Variants in CCDC93 observed in about 807,000 individuals in gnomAD.
The protein encoded by CCDC93 is coiled-coil domain-containing protein 93.
Under a neutral mutation model 108.2 loss-of-function variants are expected in CCDC93, and 61 were observed. That is an observed-to-expected ratio of 0.56 (90% CI 0.46 to 0.70). The LOEUF (loss-of-function observed/expected upper bound fraction) is 0.70, where lower values mean the gene tolerates loss of function less well. Ranked by LOEUF, CCDC93 falls within the 30% of genes least tolerant of loss-of-function variation. The probability of loss-of-function intolerance (pLI) is 0.00; values close to 1 mark genes in which losing one functional copy is unlikely to be tolerated. For synonymous variants in CCDC93, 276 were observed against 260.4 expected, an observed-to-expected ratio of 1.06 and a Z score of -0.58; for missense variants, 685 against 764.2, an observed-to-expected ratio of 0.90 and a Z score of 1.22.
chr2:118,007,440 G>A (rs1676907086), intron 2 of CCDC93, among the ~76,000 whole-genome samples: 3 of 152,236 alleles, frequency 2.0e-5, no homozygotes, highest in Non-Finnish European at 2.9e-5. Context: ...GGGAGGCTGA[G>A]GCGGGTGGAT....
intron 22 of CCDC93, among the ~76,000 whole-genome samples, chr2:117,932,049 AG>A (rs1678353331): frequency 1.3e-5 from 2 of 151,772 alleles, no homozygotes; most frequent in African/African-American, 4.8e-5. Context: ...ACACGGGGGG[AG>A]GTGACGGAGA....
intron 23 of CCDC93, among the ~76,000 whole-genome samples, chr2:117,928,335 T>C (rs1003151478): frequency 2.6e-5 from 4 of 151,970 alleles, no homozygotes; most frequent in Admixed American, 6.5e-5. Context: ...ACCTAAAGAA[T>C]GGGAGAAAAT....
chr2:117,957,309 G>A (rs1436954177), intron 12 of CCDC93, among the ~76,000 whole-genome samples: 1 of 152,112 alleles, frequency 6.6e-6, no homozygotes, highest in Non-Finnish European at 1.5e-5. Flanking sequence ...AAACTTCCCA[G>A]CTTCCTCTTA....
intron 8 of CCDC93, among the ~76,000 whole-genome samples, chr2:117,977,130 G>T (rs537915255): frequency 6.6e-6 from 1 of 151,894 alleles, no homozygotes; most frequent in Non-Finnish European, 1.5e-5. Flanking sequence ...AGTAGAGACG[G>T]GGTTTCACCG....
chr2:117,929,594 T>C (rs1278415000), intron 23 of CCDC93, among the ~76,000 whole-genome samples: 1 of 152,254 alleles, frequency 6.6e-6, no homozygotes, highest in Non-Finnish European at 1.5e-5. Flanking sequence ...TTCTACACTG[T>C]CAAAAGGGTG....
chr2:117,975,331 A>ATTGTCCTTTCTCTACT, intron 8 of CCDC93, 51 bp from the exon 9 acceptor site: 1 of 1,333,646 alleles, frequency 7.5e-7, no homozygotes, highest in Non-Finnish European at 1.1e-6. Context: ...GAGACTCAGT[A>ATTGTCCTTTCTCTACT]GAGAAAGGAC....
At chr2:117,927,681 T>C (rs1678168687) in intron 23 of CCDC93, among the ~76,000 whole-genome samples, 1 of 152,176 alleles carries the variant, frequency 6.6e-6, no homozygotes, top group Admixed American at 6.5e-5. Context: ...ATGGCCATAC[T>C]GCCCAAGGTA....
chr2:117,947,960 C>A (rs992663322), intron 15 of CCDC93, 145 bp downstream of exon 15: 10 of 657,982 alleles, frequency 1.5e-5, no homozygotes, highest in Non-Finnish European at 2.4e-5. Context: ...TCCCAAAGTG[C>A]TGGGATTACA....
intron 20 of CCDC93, 142 bp from the exon 21 acceptor site, chr2:117,936,881 T>C (rs1488255398): frequency 2.9e-6 from 2 of 685,874 alleles, no homozygotes; most frequent in Non-Finnish European, 5.3e-6. Context: ...AAGTAACATA[T>C]GAAAAAAAAA....
intron 6 of CCDC93, among the ~76,000 whole-genome samples, chr2:117,992,685 C>T (rs1680513627): frequency 6.6e-6 from 1 of 152,016 alleles, no homozygotes; most frequent in Non-Finnish European, 1.5e-5. Context: ...TGATATATAA[C>T]CTACCTGTGT....
chr2:117,995,622 C>G lies in CCDC93; in HGVS notation c.463-120G>C, dbSNP rs1179441119. On this transcript the variant is annotated intron_variant, in intron 5 of 23. Transcript: ENST00000376300. Reference sequence around the variant, plus strand: ...TCATCACTACTTTGCCTGACGAAGTCTCAATTTTCGAACAAATTGTAATAT... The same window carrying G: ...TCATCACTACTTTGCCTGACGAAGTGTCAATTTTCGAACAAATTGTAATAT... The G allele has an allele frequency of 3.9e-6, 3 of 774,970 alleles. No individual in the cohort carries two copies. In the East Asian group the frequency reaches 7.7e-5, roughly 20 times the overall value. 48.0% of individuals were successfully genotyped at this position (774,970 alleles called of 1,614,324 possible). A position where few individuals can be genotyped will look rare whatever the true frequency, so the allele number is the denominator to read the frequency against.
At chr2:118,013,503 T>C (rs930921909) in intron 1 of CCDC93, among the ~76,000 whole-genome samples, 1 of 151,636 alleles carries the variant, frequency 6.6e-6, no homozygotes, top group Non-Finnish European at 1.5e-5. Flanking sequence ...CTCTGCGGGG[T>C]GGCGGTAGAC....
intron 12 of CCDC93, among the ~76,000 whole-genome samples, chr2:117,954,549 C>T (rs1365581818): frequency 6.6e-6 from 1 of 152,098 alleles, no homozygotes; most frequent in Non-Finnish European, 1.5e-5. Context: ...CCTCTATTTT[C>T]TTCTTCATCA....
rs1677702675 is a variant in CCDC93, at chr2:117,916,878, A to AAGATG, written c.*3460_*3464dup. The AAGATG allele has an allele frequency of 6.6e-6, 1 of 152,250 alleles. No homozygotes were observed. Among genetic ancestry groups the AAGATG allele is most frequent in the African/African-American group, 2.4e-5 (1 of 41,458 alleles). The allele number at this position is 152,250 out of a possible 1,614,324, so 9.4% of individuals were successfully genotyped here. On this transcript the variant is annotated 3_prime_UTR_variant, in exon 24 of 24. Coordinates refer to ENST00000376300, the MANE Select transcript of CCDC93 (RefSeq NM_019044.5). ...TCAAGAGAGGGCCTGGGGGATTCTG[A>AAGATG]AGATGCACAGAACAAGGCACTTTCC...
intron 7 of CCDC93, among the ~76,000 whole-genome samples, chr2:117,980,196 C>A (rs567164824): frequency 6.6e-6 from 1 of 152,188 alleles, no homozygotes; most frequent in Middle Eastern, 3.2e-3. Context: ...AGCTTGAGAG[C>A]TGACCCTGGC....
intron 12 of CCDC93, among the ~76,000 whole-genome samples, chr2:117,957,801 C>G (rs1247295552): frequency 6.6e-6 from 1 of 152,162 alleles, no homozygotes; most frequent in Non-Finnish European, 1.5e-5. Flanking sequence ...ACTCATCTTT[C>G]CAGTCTCAGA....
intron 11 of CCDC93, among the ~76,000 whole-genome samples, 175 bp downstream of exon 11, chr2:117,973,733 C>T (rs1362617280): frequency 1.3e-5 from 2 of 152,140 alleles, no homozygotes; most frequent in Non-Finnish European, 2.9e-5. Flanking sequence ...ATTTAACTAA[C>T]GGGCAAGTGC....
At chr2:117,930,008 G>A (rs1678273219) in intron 23 of CCDC93, among the ~76,000 whole-genome samples, 3 of 152,198 alleles carry the variant, frequency 2.0e-5, no homozygotes, top group South Asian at 2.1e-4. Flanking sequence ...GGAGGTCTGC[G>A]TTACAACCTG....
intron 8 of CCDC93, among the ~76,000 whole-genome samples, 162 bp from the exon 9 acceptor site, chr2:117,975,442 G>C (rs984166664): frequency 6.6e-6 from 1 of 152,194 alleles, no homozygotes; most frequent in Non-Finnish European, 1.5e-5. Context: ...CTCCACTAGA[G>C]TATAGGGTGG....
Sources: allele counts gnomAD v4.1 joint callset (sites outside exome capture counted in the v4.1 genomes callset), GRCh38; gene constraint gnomAD v4.1.1; transcripts MANE v1.5; gene names NCBI Gene and HGNC (gene_info 2026-07-23, HGNC 2026-07-21).